The following DAB1 variants were observed in gnomAD, a reference collection of about 807,000 sequenced individuals.
The protein encoded by DAB1 is disabled homolog 1.
A neutral mutation model predicts 64.6 loss-of-function variants in DAB1; 15 were observed. That is an observed-to-expected ratio of 0.23 (90% CI 0.16 to 0.36). The LOEUF is 0.36. Ranked by LOEUF, DAB1 falls within the 10% of genes least tolerant of loss-of-function variation. DAB1 has a pLI of 1.00. For synonymous variants in DAB1, 235 were observed against 251.9 expected, an observed-to-expected ratio of 0.93 and a Z score of 0.64; for missense variants, 596 against 706.7, an observed-to-expected ratio of 0.84 and a Z score of 1.78.
chr1:57,434,596 G>A (rs1198437761), intron 7 of DAB1, among the ~76,000 whole-genome samples: 1 of 152,182 alleles, frequency 6.6e-6, no homozygotes, highest in South Asian at 2.1e-4. Flanking sequence ...TAACGACAGG[G>A]ATATGCTCTG....
intron 5 of DAB1, among the ~76,000 whole-genome samples, chr1:57,920,033 T>C (rs1455530590): frequency 6.6e-6 from 1 of 152,210 alleles, no homozygotes; most frequent in Admixed American, 6.5e-5. Flanking sequence ...TCAGGTGTAC[T>C]ATCTGATTTA....
intron 9 of DAB1, among the ~76,000 whole-genome samples, chr1:57,027,283 G>A (rs966389300): frequency 1.3e-5 from 2 of 152,140 alleles, no homozygotes; most frequent in African/African-American, 4.8e-5. Context: ...AGATGGGGAA[G>A]AACAAGGAAT....
At chr1:57,281,377 G>A (rs1346401339) in intron 2 of DAB1, among the ~76,000 whole-genome samples, 1 of 152,178 alleles carries the variant, frequency 6.6e-6, no homozygotes, top group Non-Finnish European at 1.5e-5. Context: ...AATACATGGA[G>A]TTAGCTTTGA....
At position 58,063,374 on chromosome 1, in the gene DAB1, T is replaced by A. The variant is rs1352364651; in HGVS notation, n.387+87137A>T. Among the ~76,000 whole-genome samples, 5 of 152,122 alleles carry A rather than the reference T, an allele frequency of 3.3e-5. No homozygotes were observed. The East Asian group carries it at 5.8e-4, about 18-fold the overall frequency. Reference sequence around the variant, plus strand: ...TGCTATAGGAAAAAATCAGAGGAAATGTTTCACAGGAGCAAGGATCCTTGC... The same window carrying A: ...TGCTATAGGAAAAAATCAGAGGAAAAGTTTCACAGGAGCAAGGATCCTTGC... On this transcript the variant is annotated intron_variant and non_coding_transcript_variant, in intron 5 of 20. Coordinates refer to the DAB1 transcript ENST00000485760.
intron 7 of DAB1, among the ~76,000 whole-genome samples, chr1:57,486,218 G>A (rs185971086): frequency 6.6e-6 from 1 of 152,222 alleles, no homozygotes; most frequent in African/African-American, 2.4e-5. Flanking sequence ...TAACACTCAG[G>A]GGCTCTGGGA....
At chr1:57,927,709 C>G (rs539116487) in intron 5 of DAB1, among the ~76,000 whole-genome samples, 1 of 152,026 alleles carries the variant, frequency 6.6e-6, no homozygotes, top group Non-Finnish European at 1.5e-5. Flanking sequence ...ATAACAAACC[C>G]GAAAGTACAT....
intron 6 of DAB1, among the ~76,000 whole-genome samples, chr1:57,658,390 G>A (rs539515231): frequency 2.1e-5 from 3 of 141,014 alleles, no homozygotes; most frequent in African/African-American, 5.3e-5. Context: ...TGCAAGCTCC[G>A]CCTCCCGGGT....
intron 7 of DAB1, among the ~76,000 whole-genome samples, chr1:57,525,053 TA>T (rs1448305549): frequency 2.0e-5 from 3 of 152,106 alleles, no homozygotes; most frequent in Non-Finnish European, 4.4e-5. Context: ...TAATCAAGGA[TA>T]AAGGTAGAAT....
intron 5 of DAB1, among the ~76,000 whole-genome samples, chr1:58,134,631 AT>A (rs753557562): frequency 1.3e-5 from 2 of 152,202 alleles, no homozygotes; most frequent in East Asian, 3.8e-4. Context: ...AAGCAGGCAC[AT>A]TTCACATGGC....
intron 5 of DAB1, among the ~76,000 whole-genome samples, chr1:57,949,509 A>C (rs34645396): frequency 1.1e-4 from 16 of 142,622 alleles, no homozygotes; most frequent in African/African-American, 4.2e-4. Flanking sequence ...CTATCTATCT[A>C]TATCTGTCTG....
intron 1 of DAB1, among the ~76,000 whole-genome samples, chr1:57,334,611 G>A (rs912584862): frequency 2.6e-5 from 4 of 152,190 alleles, no homozygotes; most frequent in African/African-American, 9.6e-5. Context: ...CTGTGAGGAA[G>A]GCGCTATTAA....
chr1:58,296,166 GAAAGAAAAA>G (rs1481391435), intron 4 of DAB1, among the ~76,000 whole-genome samples: 7 of 73,096 alleles, frequency 9.6e-5, no homozygotes, highest in East Asian at 5.4e-4. Flanking sequence ...AAGAAAGAAA[GAAAGAAAAA>G]AGAAAGAAAG....
intron 6 of DAB1, among the ~76,000 whole-genome samples, chr1:57,785,203 T>C (rs1347462040): frequency 1.3e-5 from 2 of 152,108 alleles, no homozygotes; most frequent in Admixed American, 6.6e-5. Flanking sequence ...AAAAAAGATA[T>C]CTTTCAAAAA....
At chr1:57,300,966 A>G (rs541642629) in intron 1 of DAB1, among the ~76,000 whole-genome samples, 25 of 152,108 alleles carry the variant, frequency 1.6e-4, no homozygotes, top group Non-Finnish European at 3.4e-4. Flanking sequence ...TTCTTACAAG[A>G]TGGTGCTTGT....
chr1:58,341,984 A>G (rs930596462), intron 4 of DAB1, among the ~76,000 whole-genome samples: 3 of 152,210 alleles, frequency 2.0e-5, no homozygotes, highest in Non-Finnish European at 4.4e-5. Context: ...TAGACACACA[A>G]CAAATAAACA....
intron 3 of DAB1, among the ~76,000 whole-genome samples, chr1:58,401,882 T>C (rs541217352): frequency 1.3e-5 from 2 of 152,358 alleles, no homozygotes; most frequent in South Asian, 4.1e-4. Context: ...TCTGTCTTTA[T>C]TTCCATCCTT....
intron 3 of DAB1, among the ~76,000 whole-genome samples, chr1:58,400,137 T>A (rs982325529): frequency 6.6e-6 from 1 of 151,910 alleles, no homozygotes; most frequent in East Asian, 1.9e-4. Flanking sequence ...CAGGCAGGGC[T>A]TTCTCTGGTC....
At chr1:57,967,639 G>A (rs1209499714) in intron 5 of DAB1, among the ~76,000 whole-genome samples, 1 of 152,160 alleles carries the variant, frequency 6.6e-6, no homozygotes, top group Non-Finnish European at 1.5e-5. Context: ...AATCTAACTG[G>A]GTTACCAGCT....
chr1:57,460,203 T>C (rs1424929877), intron 7 of DAB1, among the ~76,000 whole-genome samples: 2 of 152,224 alleles, frequency 1.3e-5, no homozygotes, highest in Non-Finnish European at 2.9e-5. Context: ...GGGCACACAG[T>C]ATGGTGAGCA....
Sources: gnomAD v4.1 joint callset for allele counts (sites outside exome capture counted in the v4.1 genomes callset) on GRCh38, gnomAD v4.1.1 for gene constraint, MANE v1.5 for transcripts, NCBI Gene and HGNC (gene_info 2026-07-23, HGNC 2026-07-21) for gene names.